TAB2: variants seen among roughly 807,000 people sequenced by gnomAD.
TAB2 encodes the protein TGF-beta-activated kinase 1 and MAP3K7-binding protein 2.
TAB2 carries 3 observed loss-of-function variants against 65.0 expected under a neutral mutation model. That is an observed-to-expected ratio of 0.05 (90% CI 0.02 to 0.12). The LOEUF is 0.12. Among genes scored for constraint, TAB2 ranks in the 10% least tolerant of loss-of-function variants. The probability of loss-of-function intolerance (pLI) is 1.00; values close to 1 mark genes in which losing one functional copy is unlikely to be tolerated. For synonymous variants in TAB2, 298 were observed against 285.1 expected, an observed-to-expected ratio of 1.05 and a Z score of -0.46; for missense variants, 623 against 840.3, an observed-to-expected ratio of 0.74 and a Z score of 3.20.
intron 1 of TAB2, chr6:149,244,761 G>T: frequency 6.6e-6 from 1 of 152,260 alleles, no homozygotes; most frequent in Non-Finnish European, 1.5e-5. Flanking sequence ...GTGCATGCCT[G>T]TAATCATAGC....
chr6:149,373,433 T>C (rs932485050), intron 2 of TAB2, among the ~76,000 whole-genome samples: 5 of 152,316 alleles, frequency 3.3e-5, no homozygotes, highest in South Asian at 2.1e-4. Context: ...ATTGTCCTTA[T>C]CCATATTTCT....
At chr6:149,346,931 C>T (rs1780325917) in intron 1 of TAB2, among the ~76,000 whole-genome samples, 2 of 152,036 alleles carry the variant, frequency 1.3e-5, no homozygotes, top group African/African-American at 2.4e-5. Context: ...CTCCTCTTTC[C>T]CTTTTACCCA....
At chr6:149,224,579 C>T (rs1777226760) in intron 1 of TAB2, among the ~76,000 whole-genome samples, 1 of 152,162 alleles carries the variant, frequency 6.6e-6, no homozygotes, top group Non-Finnish European at 1.5e-5. Flanking sequence ...GGTTCTCACT[C>T]AGATGACATG....
At chr6:149,282,033 G>A (rs1473667257) in intron 1 of TAB2, among the ~76,000 whole-genome samples, 1 of 152,122 alleles carries the variant, frequency 6.6e-6, no homozygotes, top group African/African-American at 2.4e-5. Context: ...AGGCATGATG[G>A]CAGGTGCCTA....
intron 1 of TAB2, among the ~76,000 whole-genome samples, chr6:149,309,546 G>A (rs1047953572): frequency 6.6e-6 from 1 of 151,800 alleles, no homozygotes; most frequent in Non-Finnish European, 1.5e-5. Flanking sequence ...ACAGGCGCCC[G>A]CCACCACGCC....
upstream of TAB2, among the ~76,000 whole-genome samples, chr6:149,314,451 G>A (rs1443600255): frequency 6.6e-6 from 1 of 152,316 alleles, no homozygotes; most frequent in Admixed American, 6.5e-5. Context: ...TGCTCTCACA[G>A]ATATCGGTCC....
rs1583088152 is a variant in TAB2, at chr6:149,323,318, C to T, written c.-90+5303C>T. 3.9e-5 allele frequency among the ~76,000 whole-genome samples: 6 copies of T among 152,092 alleles called. No homozygotes were observed. In the South Asian group the frequency reaches 1.2e-3, roughly 32 times the overall value. On this transcript the variant is annotated intron_variant, in intron 1 of 6. Coordinates refer to ENST00000637181, the MANE Select transcript of TAB2 (RefSeq NM_001292034.3). ...TTGTAGCTAGATTAGTCTTCATTAA[C>T]CTATTTCTATGATGTTATTGGCATC...
chr6:149,380,196 A>G (rs896052514), intron 3 of TAB2: 23 of 203,786 alleles, frequency 1.1e-4, no homozygotes, highest in Non-Finnish European at 2.0e-4. Context: ...AACTGTGACC[A>G]TACCACTCTG....
At chr6:149,220,738 T>TCCCG (rs1351724762) in intron 1 of TAB2, 2 of 152,182 alleles carry the variant, frequency 1.3e-5, no homozygotes. Context: ...CACCTCGGCC[T>TCCCG]CCCGCGTAGC....
intron 1 of TAB2, among the ~76,000 whole-genome samples, chr6:149,343,368 G>T (rs1780190790): frequency 1.3e-5 from 2 of 151,844 alleles, no homozygotes. Context: ...CTGCTTGGGA[G>T]CCTGAAGCAC....
At chr6:149,372,832 C>T (rs958721518) in intron 2 of TAB2, among the ~76,000 whole-genome samples, 4 of 152,256 alleles carry the variant, frequency 2.6e-5, no homozygotes, top group African/African-American at 7.2e-5. Flanking sequence ...TATTTTTAAA[C>T]GGGCAAATTA....
At chr6:149,337,629 T>TA (rs1779974728) in intron 1 of TAB2, among the ~76,000 whole-genome samples, 2 of 152,184 alleles carry the variant, frequency 1.3e-5, no homozygotes, top group Non-Finnish European at 2.9e-5. Flanking sequence ...ATAAACTGTT[T>TA]AAAAAAATAA....
intron 1 of TAB2, among the ~76,000 whole-genome samples, chr6:149,276,931 A>T (rs1778484679): frequency 6.6e-6 from 1 of 152,188 alleles, no homozygotes; most frequent in Non-Finnish European, 1.5e-5. Context: ...AGTTGGAGAT[A>T]ATTGAATCAT....
rs139766962 is a variant in TAB2, at chr6:149,350,365, T to A, written c.-89-19544T>A. Among the ~76,000 whole-genome samples the A allele has an allele frequency of 6.7e-3, 1,028 of 152,306 alleles. 9 individuals are homozygous for A. The highest frequency in any genetic ancestry group is 0.024 in the African/African-American group (978 of 41,568). On this transcript the variant is annotated intron_variant, in intron 1 of 6. Transcript: ENST00000637181. ...GCAACAAGGCATTTTTCAGATCTCTTAAATTATACTTTTATGAGATAACTT... is the reference window on the plus strand; with the variant it reads ...GCAACAAGGCATTTTTCAGATCTCTAAAATTATACTTTTATGAGATAACTT...
chr6:149,342,230 C>A (rs1780152919), intron 1 of TAB2, among the ~76,000 whole-genome samples: 1 of 151,916 alleles, frequency 6.6e-6, no homozygotes, highest in African/African-American at 2.4e-5. Flanking sequence ...CTTAAGAAAC[C>A]CCTGGGAATG....
intron 1 of TAB2, among the ~76,000 whole-genome samples, chr6:149,220,023 C>T (rs1015636818): frequency 1.3e-5 from 2 of 152,070 alleles, no homozygotes; most frequent in African/African-American, 2.4e-5. Context: ...AACCTTATCA[C>T]GTTTGCATAA....
At chr6:149,382,947 A>T (rs1781667267) in intron 3 of TAB2, among the ~76,000 whole-genome samples, 1 of 152,082 alleles carries the variant, frequency 6.6e-6, no homozygotes, top group South Asian at 2.1e-4. Context: ...AGGTCAAAAG[A>T]TCAAGACCAT....
chr6:149,310,425 G>A (rs562677), intron 1 of TAB2, among the ~76,000 whole-genome samples: 66,950 of 151,374 alleles, frequency 0.44, 15,168 homozygotes, highest in African/African-American at 0.57. Context: ...TGTTATTTCT[G>A]TTTATCTCCA....
intron 1 of TAB2, among the ~76,000 whole-genome samples, chr6:149,285,751 C>T (rs781473270): frequency 3.3e-5 from 5 of 152,160 alleles, no homozygotes; most frequent in Admixed American, 6.5e-5. Flanking sequence ...GACAAACTGA[C>T]GTGCTTGTAA....
Sources: gnomAD v4.1 joint callset for allele counts (sites outside exome capture counted in the v4.1 genomes callset) on GRCh38, gnomAD v4.1.1 for gene constraint, MANE v1.5 for transcripts, NCBI Gene and HGNC (gene_info 2026-07-23, HGNC 2026-07-21) for gene names.